The following CER1 variants were observed in gnomAD, a reference collection of about 807,000 sequenced individuals.
The protein encoded by CER1 is cerberus 1, DAN family BMP antagonist.
A neutral mutation model predicts 11.8 loss-of-function variants in CER1; 10 were observed. That is an observed-to-expected ratio of 0.85 (90% CI 0.52 to 1.44). The LOEUF (loss-of-function observed/expected upper bound fraction) is 1.44, where lower values mean the gene tolerates loss of function less well. Ranked by LOEUF, CER1 falls within the 40% of genes most tolerant of loss-of-function variation. CER1 has a pLI of 0.00. For missense variants in CER1, 431 were observed against 327.0 expected (o/e 1.32, Z -2.45); for synonymous variants, 141 against 122.3 (o/e 1.15, Z -1.01).
At chr9:14,719,378 C>T (rs1839972603), downstream of CER1, among the ~76,000 whole-genome samples, 1 of 152,110 alleles carries the variant, frequency 6.6e-6, no homozygotes. Context: ...AAAAAGGAGG[C>T]AACCAAGCAA....
chr9:14,720,443 A>T (rs989332282), intron 1 of CER1, 57 bp from the exon 2 acceptor site: 2 of 1,486,424 alleles, frequency 1.3e-6, no homozygotes, highest in Admixed American at 1.8e-5. Context: ...TAACACACAT[A>T]ATGCAGAAGC....
At chr9:14,717,656 T>A (rs912531362), downstream of CER1, among the ~76,000 whole-genome samples, 1 of 152,196 alleles carries the variant, frequency 6.6e-6, no homozygotes, top group African/African-American at 2.4e-5. Flanking sequence ...CTAGAGATGA[T>A]TTCTCTTTTG....
intron 1 of CER1, among the ~76,000 whole-genome samples, chr9:14,721,944 TATC>T (rs1317144167): frequency 1.3e-5 from 2 of 152,200 alleles, no homozygotes; most frequent in African/African-American, 4.8e-5. Flanking sequence ...ATATTGACAG[TATC>T]ATCATATCAT....
chr9:14,718,899 G>T (rs1293602453), downstream of CER1, among the ~76,000 whole-genome samples: 2 of 152,082 alleles, frequency 1.3e-5, no homozygotes, highest in African/African-American at 4.8e-5. Flanking sequence ...TTCCAGCTAG[G>T]TTATCTCCTG....
downstream of CER1, among the ~76,000 whole-genome samples, chr9:14,719,038 A>G (rs1269377165): frequency 6.6e-6 from 1 of 152,236 alleles, no homozygotes; most frequent in Non-Finnish European, 1.5e-5. Flanking sequence ...TAATTTTGGT[A>G]CTTGCTGAAT....
At chr9:14,721,646 T>C (rs1840013617) in intron 1 of CER1, among the ~76,000 whole-genome samples, 1 of 152,164 alleles carries the variant, frequency 6.6e-6, no homozygotes, top group Admixed American at 6.5e-5. Context: ...ACCTATAAAG[T>C]AATTAAGTAT....
rs949341937 is a variant in CER1 at position 14,719,954 on chromosome 9, T to C, written c.*136A>G. The C allele has an allele frequency of 8.0e-6, 6 of 745,360 alleles. No homozygotes were observed. The highest frequency in any genetic ancestry group is 5.3e-5 in the African/African-American group (3 of 57,090). 46.2% of individuals were successfully genotyped at this position (745,360 alleles called of 1,614,324 possible). On this transcript the variant is annotated 3_prime_UTR_variant, in exon 2 of 2. Transcript: ENST00000380911. ...AACTAGACTAATATCATTTCCTCTA[T>C]CGTTCTAATTTAAAACTACGTTTCA...
Position 14,719,825 on chromosome 9 carries a change from G to C in CER1, c.*265C>G. The C allele has an allele frequency of 2.4e-6, 1 of 415,300 alleles. No individual in the cohort carries two copies. Among genetic ancestry groups the C allele is most frequent in the Non-Finnish European group, 4.4e-6 (1 of 225,072 alleles). The allele number at this position is 415,300 out of a possible 1,614,324, so 25.7% of individuals were successfully genotyped here. On this transcript the variant is annotated 3_prime_UTR_variant, in exon 2 of 2. Transcript: ENST00000380911. ...TTTAGCAATCATCTAGGTCGGGTCCGTCATTTATAGATGAAAATCTTTAGA... is the reference window on the plus strand; with the variant it reads ...TTTAGCAATCATCTAGGTCGGGTCCCTCATTTATAGATGAAAATCTTTAGA...
chr9:14,720,173 A>G lies in CER1; in HGVS notation c.721T>C (p.Cys241Arg). 1 of 1,614,168 alleles carries G rather than the reference A, an allele frequency of 6.2e-7. No homozygotes were observed. The highest frequency in any genetic ancestry group is 1.7e-5 in the Admixed American group (1 of 60,024). ...KVVMLVEECQ[C>R]KVKTEHEDGH... ...TCTTCATGCTCCGTCTTCACCTTGC[A>G]CTGGCACTCCTCCACCAGCATCACC... The change falls in exon 2 of 2, where the codon TGC becomes CGC. Residue 241 changes from cysteine to arginine, a missense_variant. By Grantham distance (180) the Cys-to-Arg change is radical. Coordinates refer to ENST00000380911, the MANE Select transcript of CER1 (RefSeq NM_005454.3).
chr9:14,717,994 T>C (rs1839958748), downstream of CER1, among the ~76,000 whole-genome samples: 1 of 152,232 alleles, frequency 6.6e-6, no homozygotes, highest in Non-Finnish European at 1.5e-5. Flanking sequence ...TTTTTCCTCT[T>C]GGTTTCTTAC....
intron 1 of CER1, 115 bp from the exon 2 acceptor site, chr9:14,720,501 A>G: frequency 9.3e-7 from 1 of 1,076,410 alleles, no homozygotes. Context: ...AAGCTTTCCA[A>G]TTTTGGATAC....
downstream of CER1, among the ~76,000 whole-genome samples, chr9:14,718,504 A>C (rs759058522): frequency 2.6e-5 from 4 of 152,188 alleles, no homozygotes; most frequent in Non-Finnish European, 5.9e-5. Context: ...ACTCACATTC[A>C]TGTTGATGTG....
At chr9:14,721,281 A>C (rs1312259880) in intron 1 of CER1, among the ~76,000 whole-genome samples, 1 of 152,192 alleles carries the variant, frequency 6.6e-6, no homozygotes, top group African/African-American at 2.4e-5. Flanking sequence ...CAATATCTTC[A>C]TGTTTAAGGA....
At chr9:14,720,931 C>T (rs1420155118) in intron 1 of CER1, among the ~76,000 whole-genome samples, 1 of 152,204 alleles carries the variant, frequency 6.6e-6, no homozygotes, top group East Asian at 1.9e-4. Context: ...TATATTACAT[C>T]ACCTTTACCT....
At position 14,722,554 on chromosome 9, in the gene CER1, CT is replaced by C. The variant is rs1182295265; in HGVS notation, c.118del (p.Arg40GlufsTer25). 6.2e-7 allele frequency: 1 copy of C among 1,614,042 alleles called. No homozygotes were observed. Among genetic ancestry groups the C allele is most frequent in the Non-Finnish European group, 8.5e-7 (1 of 1,180,052 alleles). On this transcript the variant is annotated frameshift_variant, in exon 1 of 2. Coordinates refer to ENST00000380911, the MANE Select transcript of CER1 (RefSeq NM_005454.3). LOFTEE classifies it high-confidence loss of function. Reference sequence around the variant, plus strand: ...CTCATGGTTGCCTGTGGGAAGCTCTCTTTGATTCCTTGGCAGGAGTACGGGG... The same window carrying C: ...CTCATGGTTGCCTGTGGGAAGCTCTCTTGATTCCTTGGCAGGAGTACGGGG... ...LSPVLLPRNQ[R>X]ELPTGNHEEA...
Position 14,722,258 on chromosome 9 carries a change from A to G in CER1, c.415T>C (p.Phe139Leu). 6.2e-7 allele frequency: 1 copy of G among 1,614,210 alleles called. No individual in the cohort carries two copies. Residue 139 changes from phenylalanine (F) to leucine (L), a missense_variant, in exon 1 of 2, where the codon TTC becomes CTC. Phe to Leu is a conservative substitution (Grantham distance 22, BLOSUM62 0). Coordinates refer to ENST00000380911, the MANE Select transcript of CER1 (RefSeq NM_005454.3). ...CCCTGAGAAGCCGGAGTTTTTCTGA[A>G]CATGAAGTGGTGCCAGAATTTCTTG... Reference protein sequence around the residue: ...EAKKFWHHFMFRKTPASQGVI... With the variant: ...EAKKFWHHFMLRKTPASQGVI...
At chr9:14,721,656 T>C (rs1195773499) in intron 1 of CER1, among the ~76,000 whole-genome samples, 1 of 152,150 alleles carries the variant, frequency 6.6e-6, no homozygotes, top group Non-Finnish European at 1.5e-5. Context: ...TAATTAAGTA[T>C]GGACTATGGG....
chr9:14,718,030 T>C (rs1439627262), downstream of CER1, among the ~76,000 whole-genome samples: 1 of 152,220 alleles, frequency 6.6e-6, no homozygotes, highest in Admixed American at 6.5e-5. Flanking sequence ...GTTCAACCTT[T>C]GTAAATTGCC....
intron 1 of CER1, among the ~76,000 whole-genome samples, chr9:14,721,858 G>A (rs955135096): frequency 1.3e-5 from 2 of 152,110 alleles, no homozygotes; most frequent in African/African-American, 4.8e-5. Context: ...TTATATCTCT[G>A]AGTAGATCAC....
Sources: allele counts gnomAD v4.1 joint callset (sites outside exome capture counted in the v4.1 genomes callset), GRCh38; gene constraint gnomAD v4.1.1; transcripts MANE v1.5; gene names NCBI Gene and HGNC (gene_info 2026-07-23, HGNC 2026-07-21).